The following CAMTA1 variants were observed in gnomAD, a reference collection of about 807,000 sequenced individuals.
CAMTA1 encodes the protein calmodulin-binding transcription activator 1.
A neutral mutation model predicts 170.9 loss-of-function variants in CAMTA1; 27 were observed. The observed-to-expected ratio is 0.16, with a 90% CI of 0.12 to 0.22. CAMTA1 has a LOEUF of 0.22. Among genes scored for constraint, CAMTA1 ranks in the 10% least tolerant of loss-of-function variants. The pLI, the probability that CAMTA1 is intolerant of heterozygous loss-of-function variation, is 1.00. For missense variants in CAMTA1, 1,619 were observed against 2,217.2 expected, an observed-to-expected ratio of 0.73 and a Z score of 5.42; for synonymous variants, 833 against 891.5, an observed-to-expected ratio of 0.93 and a Z score of 1.17.
chr1:7,418,816 C>T (rs2091368386), intron 5 of CAMTA1, among the ~76,000 whole-genome samples: 1 of 152,238 alleles, frequency 6.6e-6, no homozygotes, highest in African/African-American at 2.4e-5. Context: ...CTCCTGCCCA[C>T]CTCCACCCCA....
Position 7,325,203 on chromosome 1 carries a change from G to C in CAMTA1, c.438+75577G>C, listed in dbSNP as rs1398492671. Reference sequence around the variant, plus strand: ...CCACCCTCATGGACTTGACATTCTAGCTGGGGTGACAGATTCTAAACAATA... The same window carrying C: ...CCACCCTCATGGACTTGACATTCTACCTGGGGTGACAGATTCTAAACAATA... On this transcript the variant is annotated intron_variant, in intron 5 of 22. Coordinates refer to ENST00000303635, the MANE Select transcript of CAMTA1 (RefSeq NM_015215.4). This position sits in a 1 kb window ranked among gnomAD's most constrained non-coding sequence, Gnocchi z 5.0. 2.0e-5 allele frequency among the ~76,000 whole-genome samples: 3 copies of C among 152,208 alleles called. No individual in the cohort carries two copies. The highest frequency in any genetic ancestry group is 2.0e-4 in the Admixed American group (3 of 15,280).
chr1:7,102,130 A>G (rs1053189836), intron 4 of CAMTA1, among the ~76,000 whole-genome samples: 3 of 151,914 alleles, frequency 2.0e-5, no homozygotes, highest in Non-Finnish European at 4.4e-5. Flanking sequence ...TTTCTTCGTT[A>G]TGTGTCTTAG....
chr1:7,467,739 G>A (rs983423539), intron 5 of CAMTA1, 91 bp from the exon 6 acceptor site: 1 of 1,202,206 alleles, frequency 8.3e-7, no homozygotes. Flanking sequence ...GGCGGCTGTG[G>A]CCCCTTCTTG....
chr1:6,786,305 C>A (rs778278610), intron 1 of CAMTA1, among the ~76,000 whole-genome samples: 54 of 152,082 alleles, frequency 3.6e-4, no homozygotes, highest in Admixed American at 2.4e-3. Context: ...CCCTCGCAGT[C>A]GTTCACATCC....
At position 7,010,516 on chromosome 1, in the gene CAMTA1, A is replaced by G. The variant is rs1378599330; in HGVS notation, c.235-80788A>G. 1.3e-5 allele frequency among the ~76,000 whole-genome samples: 2 copies of G among 152,194 alleles called. No individual in the cohort carries two copies. The highest frequency in any genetic ancestry group is 2.9e-5 in the Non-Finnish European group (2 of 68,032). On this transcript the variant is annotated intron_variant, in intron 3 of 22. Coordinates refer to ENST00000303635, the MANE Select transcript of CAMTA1 (RefSeq NM_015215.4). This position sits in a 1 kb window ranked among gnomAD's most constrained non-coding sequence, Gnocchi z 4.4. Reference sequence around the variant, plus strand: ...TTTTGTTATCTTGGCTGTTTGACAAATAGACTTTGGAGGTGGAAAGACCTG... The same window carrying G: ...TTTTGTTATCTTGGCTGTTTGACAAGTAGACTTTGGAGGTGGAAAGACCTG...
At chr1:6,943,900 C>CATTTTAAGTGTCCA (rs1687152229) in intron 3 of CAMTA1, among the ~76,000 whole-genome samples, 1 of 150,234 alleles carries the variant, frequency 6.7e-6, no homozygotes, top group Non-Finnish European at 1.5e-5. Context: ...GAATTTTAAC[C>CATTTTAAGTGTCCA]ATTTTAAGTG....
intron 3 of CAMTA1, among the ~76,000 whole-genome samples, chr1:6,859,245 A>G (rs943377442): frequency 2.6e-5 from 4 of 152,210 alleles, no homozygotes; most frequent in Non-Finnish European, 5.9e-5. Flanking sequence ...AAGAGGAATC[A>G]TATACAGCTT....
chr1:7,414,712 C>G (rs2149278245), intron 5 of CAMTA1, among the ~76,000 whole-genome samples: 1 of 152,146 alleles, frequency 6.6e-6, no homozygotes, highest in Admixed American at 6.5e-5. Context: ...AAAACCAGCT[C>G]CTGGATTCAT....
intron 3 of CAMTA1, among the ~76,000 whole-genome samples, chr1:6,859,487 G>A (rs180953869): frequency 2.6e-5 from 4 of 152,290 alleles, no homozygotes; most frequent in Admixed American, 2.6e-4. Context: ...TTTGACATAT[G>A]CCCTTAGAAA....
At chr1:7,489,352 G>C (rs1445145980) in intron 6 of CAMTA1, among the ~76,000 whole-genome samples, 1 of 152,234 alleles carries the variant, frequency 6.6e-6, no homozygotes, top group African/African-American at 2.4e-5. Context: ...TGCAGGGGAA[G>C]GAAACAGCTG....
chr1:7,448,797 G>A (rs1008036111), intron 5 of CAMTA1, among the ~76,000 whole-genome samples: 4 of 152,120 alleles, frequency 2.6e-5, no homozygotes, highest in Non-Finnish European at 5.9e-5. Context: ...CTTCCCAAAG[G>A]CCCCACCTCC....
Position 7,634,525 on chromosome 1 carries a change from A to G in CAMTA1, c.511-5875A>G, listed in dbSNP as rs553466297. On this transcript the variant is annotated intron_variant, in intron 6 of 22. Transcript: ENST00000303635. This position sits in a 1 kb window ranked among gnomAD's most constrained non-coding sequence, Gnocchi z 6.2. The stretch of plus-strand genomic sequence containing the variant: ...AGAGGGAAATCTGGGTGTCCTGGGA[A>G]TCTGGTGGGTGTGAGGTCAGGACAC... Among the ~76,000 whole-genome samples the G allele has an allele frequency of 6.6e-6, 1 of 152,098 alleles. No homozygotes were observed. The highest frequency in any genetic ancestry group is 1.9e-4 in the East Asian group (1 of 5,152).
intron 3 of CAMTA1, among the ~76,000 whole-genome samples, chr1:7,027,532 A>G (rs891636775): frequency 6.6e-6 from 1 of 152,200 alleles, no homozygotes; most frequent in Non-Finnish European, 1.5e-5. Flanking sequence ...AGGGTACTCC[A>G]TCAGCTTGGT....
At chr1:6,955,652 CTGGAGTGA>C in intron 3 of CAMTA1, among the ~76,000 whole-genome samples, 1 of 152,298 alleles carries the variant, frequency 6.6e-6, no homozygotes, top group Admixed American at 6.5e-5. Flanking sequence ...AAGGCCCTAC[CTGGAGTGA>C]TGTTGCTGTG....
At chr1:6,902,821 T>A (rs939728737) in intron 3 of CAMTA1, among the ~76,000 whole-genome samples, 1 of 152,174 alleles carries the variant, frequency 6.6e-6, no homozygotes, top group Non-Finnish European at 1.5e-5. Context: ...GAAATGTTGG[T>A]GAGATTGTGG....
At chr1:7,295,015 C>T (rs989924302) in intron 5 of CAMTA1, among the ~76,000 whole-genome samples, 4 of 152,248 alleles carry the variant, frequency 2.6e-5, no homozygotes, top group Non-Finnish European at 4.4e-5. Flanking sequence ...AATCCACCAC[C>T]TCCGCTTTGC....
Position 7,358,637 on chromosome 1 carries a change from G to A in CAMTA1, c.438+109011G>A, listed in dbSNP as rs144939073. Among the ~76,000 whole-genome samples, 71 of 152,298 alleles carry A rather than the reference G, an allele frequency of 4.7e-4. No homozygotes were observed. In the East Asian group the frequency reaches 0.011, roughly 24 times the overall value. On this transcript the variant is annotated intron_variant, in intron 5 of 22. Transcript: ENST00000303635. ...CTTGGCTACCTCTGTGAGCTTGCAG[G>A]AATAAATCTGAGGTGCTGAATATAG...
intron 11 of CAMTA1, among the ~76,000 whole-genome samples, chr1:7,727,479 G>A (rs2096698863): frequency 6.6e-6 from 1 of 152,144 alleles, no homozygotes; most frequent in African/African-American, 2.4e-5. Flanking sequence ...ATTATCTGTT[G>A]GTCGACAAAA....
chr1:7,376,662 G>T (rs1026999908), intron 5 of CAMTA1, among the ~76,000 whole-genome samples: 5 of 152,198 alleles, frequency 3.3e-5, no homozygotes, highest in African/African-American at 7.2e-5. Flanking sequence ...TCATACTAGA[G>T]ACTGGAAGAG....
Sources: gnomAD v4.1 joint callset for allele counts (sites outside exome capture counted in the v4.1 genomes callset) on GRCh38, gnomAD v4.1.1 for gene constraint, Gnocchi (gnomAD v3.1) non-coding constraint, MANE v1.5 for transcripts, NCBI Gene and HGNC (gene_info 2026-07-23, HGNC 2026-07-21) for gene names.